Variants in LIMK1 observed in about 807,000 individuals in gnomAD.
The protein encoded by LIMK1 is LIM domain kinase 1, also known as LIM motif-containing protein kinase.
In LIMK1, 21 loss-of-function variants were observed where a neutral mutation model predicts 77.6. The observed-to-expected ratio is 0.27, with a 90% CI of 0.19 to 0.39. The LOEUF (loss-of-function observed/expected upper bound fraction) is 0.39, where lower values mean the gene tolerates loss of function less well. LIMK1 is among the 10% of genes least tolerant of loss of function. The pLI is 1.00. For missense variants in LIMK1, 696 were observed against 901.6 expected, an observed-to-expected ratio of 0.77 and a Z score of 2.92; for synonymous variants, 358 against 370.0, an observed-to-expected ratio of 0.97 and a Z score of 0.37.
At chr7:74,096,557 G>T (rs1375977593) in intron 2 of LIMK1, 65 bp from the exon 3 acceptor site, 2 of 1,597,810 alleles carry the variant, frequency 1.3e-6, no homozygotes, top group Admixed American at 3.5e-5. Flanking sequence ...TGTAGCCGAG[G>T]CAGGGGCCCA....
intron 1 of LIMK1, 114 bp downstream of exon 1, chr7:74,084,159 G>T: frequency 2.5e-6 from 1 of 405,138 alleles, no homozygotes; most frequent in Non-Finnish European, 4.4e-6. Flanking sequence ...CCTCCGGGAT[G>T]AGCTCGTCCT....
intron 8 of LIMK1, among the ~76,000 whole-genome samples, 188 bp downstream of exon 8, chr7:74,107,381 T>G (rs1799598647): frequency 6.6e-6 from 1 of 152,114 alleles, no homozygotes; most frequent in African/African-American, 2.4e-5. Context: ...GACTGAGACC[T>G]TATGTGCGGG....
Position 74,120,988 on chromosome 7 carries a change from A to C in LIMK1, c.1720A>C (p.Asn574His). Reference protein sequence around the residue: ...RGFLDRYCPPNCPPSFFPITV... With the variant: ...RGFLDRYCPPHCPPSFFPITV... ...ATTCCTGGACCGCTACTGCCCCCCA[A>C]ACTGCCCCCCGAGCTTCTTCCCCAT... The change falls in exon 15 of 16, where the codon AAC becomes CAC. Residue 574 changes from asparagine to histidine, a missense_variant. By Grantham distance (68) the Asn-to-His change is moderately conservative. Coordinates refer to ENST00000336180, the MANE Select transcript of LIMK1 (RefSeq NM_002314.4). 7.0e-7 allele frequency: 1 copy of C among 1,425,102 alleles called. No homozygotes were observed. The highest frequency in any genetic ancestry group is 9.4e-7 in the Non-Finnish European group (1 of 1,063,112). 88.3% of individuals were successfully genotyped at this position (1,425,102 alleles called of 1,614,324 possible). A position where few individuals can be genotyped will look rare whatever the true frequency, so the allele number is the denominator to read the frequency against.
intron 5 of LIMK1, among the ~76,000 whole-genome samples, chr7:74,101,914 G>A (rs1430232251): frequency 6.6e-6 from 1 of 151,812 alleles, no homozygotes; most frequent in Non-Finnish European, 1.5e-5. Flanking sequence ...AGCCTCAGAT[G>A]CCTGTGCTCA....
chr7:74,102,559 C>G (rs1250825069), intron 5 of LIMK1, among the ~76,000 whole-genome samples: 2 of 135,996 alleles, frequency 1.5e-5, no homozygotes, highest in South Asian at 2.4e-4. Context: ...TCACAGCTCA[C>G]TGCAGCCTCA....
intron 4 of LIMK1, among the ~76,000 whole-genome samples, chr7:74,097,708 C>T (rs1487100052): frequency 6.6e-6 from 1 of 152,204 alleles, no homozygotes; most frequent in Admixed American, 6.5e-5. Flanking sequence ...AGCTTTCTTA[C>T]TGGCCATGAC....
intron 5 of LIMK1, among the ~76,000 whole-genome samples, chr7:74,105,099 G>A (rs1367666962): frequency 2.0e-5 from 3 of 152,086 alleles, no homozygotes; most frequent in African/African-American, 7.2e-5. Flanking sequence ...GACTACAGGC[G>A]CCCACTGCCA....
chr7:74,102,380 A>T (rs1554696699), intron 5 of LIMK1, among the ~76,000 whole-genome samples: 1 of 151,646 alleles, frequency 6.6e-6, no homozygotes. Context: ...TTATATTTGT[A>T]CATACATGTA....
intron 2 of LIMK1, among the ~76,000 whole-genome samples, chr7:74,090,010 A>T (rs782268291): frequency 2.0e-5 from 3 of 152,112 alleles, no homozygotes; most frequent in Non-Finnish European, 4.4e-5. Flanking sequence ...ATCACTCACC[A>T]GGAGAGGGGT....
At chr7:74,090,051 G>T (rs1454364739) in intron 2 of LIMK1, among the ~76,000 whole-genome samples, 2 of 152,122 alleles carry the variant, frequency 1.3e-5, no homozygotes, top group Non-Finnish European at 2.9e-5. Context: ...TAAAGAGGAG[G>T]CATGTTTGTG....
intron 13 of LIMK1, among the ~76,000 whole-genome samples, chr7:74,116,668 T>C (rs990544804): frequency 3.3e-5 from 5 of 151,330 alleles, no homozygotes; most frequent in Admixed American, 2.6e-4. Flanking sequence ...TCTGCATCCA[T>C]CCCCGCATCT....
chr7:74,089,681 G>A (rs1283801964), intron 2 of LIMK1, among the ~76,000 whole-genome samples: 2 of 152,120 alleles, frequency 1.3e-5, no homozygotes, highest in Non-Finnish European at 2.9e-5. Context: ...ATGCTCATCT[G>A]TGTTGAGCTG....
At chr7:74,120,844 C>A in intron 14 of LIMK1, 48 bp from the exon 15 acceptor site, 2 of 1,611,980 alleles carry the variant, frequency 1.2e-6, no homozygotes, top group Non-Finnish European at 1.7e-6. Context: ...ACCCAGATGC[C>A]CAGGCTGAGG....
intron 13 of LIMK1, among the ~76,000 whole-genome samples, chr7:74,117,128 G>A (rs535195323): frequency 2.0e-5 from 3 of 152,074 alleles, no homozygotes; most frequent in South Asian, 2.1e-4. Flanking sequence ...TGATCCGCCC[G>A]TCTCGGCCTC....
chr7:74,086,314 G>C (rs1462542623), intron 2 of LIMK1, among the ~76,000 whole-genome samples: 2 of 151,712 alleles, frequency 1.3e-5, no homozygotes, highest in African/African-American at 4.8e-5. Context: ...CAAAGTGCTG[G>C]GATGACAGAC....
intron 12 of LIMK1, chr7:74,115,454 T>A (rs1339450372): frequency 2.5e-5 from 6 of 239,252 alleles, no homozygotes; most frequent in Non-Finnish European, 4.9e-5. Context: ...CTGTCTTCTC[T>A]CCGAAACAAA....
At chr7:74,112,649 C>T (rs1458465166) in intron 12 of LIMK1, among the ~76,000 whole-genome samples, 1 of 151,890 alleles carries the variant, frequency 6.6e-6, no homozygotes, top group Non-Finnish European at 1.5e-5. Context: ...CACGGTGAAA[C>T]CCCATCTCTA....
At chr7:74,100,795 G>C (rs1554696448) in intron 5 of LIMK1, among the ~76,000 whole-genome samples, 3 of 151,024 alleles carry the variant, frequency 2.0e-5, no homozygotes, top group Non-Finnish European at 4.4e-5. Context: ...GAGTGCAGTG[G>C]TGTGGTCTCG....
rs1033749560 is a variant in LIMK1, at chr7:74,104,386, G to T, written c.609-1489G>T. 2.6e-5 allele frequency among the ~76,000 whole-genome samples: 4 copies of T among 152,168 alleles called. No individual in the cohort carries two copies. In the East Asian group the frequency reaches 7.8e-4, roughly 30 times the overall value. ...CACGCCTATAATCCCAGCACTTTGGGAGGCCAAGGTGGGTGGATTACCTGA... is the reference window on the plus strand; with the variant it reads ...CACGCCTATAATCCCAGCACTTTGGTAGGCCAAGGTGGGTGGATTACCTGA... On this transcript the variant is annotated intron_variant, in intron 5 of 15. Transcript: ENST00000336180.
Sources: allele counts gnomAD v4.1 joint callset (sites outside exome capture counted in the v4.1 genomes callset), GRCh38; gene constraint gnomAD v4.1.1; transcripts MANE v1.5; gene names NCBI Gene and HGNC (gene_info 2026-07-23, HGNC 2026-07-21).